Variants in AFG2A observed in about 807,000 individuals in gnomAD.
The protein encoded by AFG2A is AAA ATPase AFG2A, also known as ATPase family gene 2 protein homolog A.
At chr4:123,282,089 T>C in the AFG2A span, among the ~76,000 whole-genome samples, 13 of 152,272 alleles carry the variant, frequency 8.5e-5, no homozygotes, top group Admixed American at 4.6e-4. Context: ...ATGTGAGTTA[T>C]TGAGTATAGT....
the AFG2A span, among the ~76,000 whole-genome samples, chr4:123,129,921 C>T: frequency 1.3e-5 from 2 of 151,892 alleles, no homozygotes; most frequent in African/African-American, 2.4e-5. Context: ...AATTCTATTA[C>T]CATCCTTGAT....
chr4:122,945,961 T>C, the AFG2A span, among the ~76,000 whole-genome samples: 1 of 152,228 alleles, frequency 6.6e-6, no homozygotes, highest in Admixed American at 6.5e-5. Context: ...GTTCTCAGTC[T>C]TGGAACAGTA....
chr4:123,191,591 C>A, the AFG2A span, among the ~76,000 whole-genome samples: 3 of 152,002 alleles, frequency 2.0e-5, no homozygotes, highest in Admixed American at 1.3e-4. Context: ...TTTTTATCTT[C>A]GTATTTCTTT....
the AFG2A span, chr4:122,928,955 G>C: frequency 6.7e-7 from 1 of 1,491,396 alleles, no homozygotes; most frequent in Non-Finnish European, 9.0e-7. Flanking sequence ...TTAAGTGCTT[G>C]ACTGTGCTTA....
At chr4:123,315,899 C>T in the AFG2A span, 1 of 152,248 alleles carries the variant, frequency 6.6e-6, no homozygotes, top group African/African-American at 2.4e-5. Flanking sequence ...CTGACTCAGC[C>T]TCCTGAGTAG....
At chr4:123,203,293 G>A in the AFG2A span, among the ~76,000 whole-genome samples, 2 of 151,876 alleles carry the variant, frequency 1.3e-5, no homozygotes, top group Non-Finnish European at 2.9e-5. Flanking sequence ...TGGGATTACA[G>A]GTGCTCTCCA....
the AFG2A span, among the ~76,000 whole-genome samples, chr4:123,270,107 A>G: frequency 6.6e-6 from 1 of 152,158 alleles, no homozygotes. Context: ...GAGCCACCAC[A>G]CCCAGCCAGA....
the AFG2A span, among the ~76,000 whole-genome samples, chr4:123,232,066 G>A: frequency 6.6e-6 from 1 of 151,958 alleles, no homozygotes; most frequent in Non-Finnish European, 1.5e-5. Context: ...AGCACATGCT[G>A]TTGGAAAAAT....
chr4:123,219,618 T>C, the AFG2A span, among the ~76,000 whole-genome samples: 3 of 152,232 alleles, frequency 2.0e-5, no homozygotes, highest in African/African-American at 4.8e-5. Flanking sequence ...ATATGTGTGC[T>C]CTTAAGTATT....
At chr4:123,264,702 TGAA>T in the AFG2A span, among the ~76,000 whole-genome samples, 1 of 152,156 alleles carries the variant, frequency 6.6e-6, no homozygotes. Context: ...ACATGCTAAG[TGAA>T]GAAATTTGGT....
the AFG2A span, among the ~76,000 whole-genome samples, chr4:123,164,935 G>T: frequency 6.6e-6 from 1 of 152,092 alleles, no homozygotes; most frequent in African/African-American, 2.4e-5. Flanking sequence ...ATAAGAGTTT[G>T]TTGAAGTTTG....
the AFG2A span, among the ~76,000 whole-genome samples, chr4:123,024,239 AAAG>A: frequency 2.8e-3 from 418 of 151,230 alleles, 2 homozygotes; most frequent in African/African-American, 9.1e-3. Flanking sequence ...AAAAAAAAAA[AAAG>A]AAACAAAAGA....
chr4:122,956,745 T>C, the AFG2A span, among the ~76,000 whole-genome samples: 1 of 152,194 alleles, frequency 6.6e-6, no homozygotes, highest in Non-Finnish European at 1.5e-5. Flanking sequence ...TTAAAAAGAT[T>C]AGTGTTCTAA....
At chr4:123,258,858 CTTT>C in the AFG2A span, among the ~76,000 whole-genome samples, 247 of 90,304 alleles carry the variant, frequency 2.7e-3, no homozygotes, top group African/African-American at 0.01. Flanking sequence ...GATACTGGTA[CTTT>C]TTTTTTTTTT....
chr4:123,270,006 G>A, the AFG2A span, among the ~76,000 whole-genome samples: 1 of 152,252 alleles, frequency 6.6e-6, no homozygotes, highest in East Asian at 1.9e-4. Flanking sequence ...TAGTAGAGAT[G>A]TGGTTTCACC....
the AFG2A span, among the ~76,000 whole-genome samples, chr4:123,095,030 C>CAAAAAAAAAAAAA: frequency 5.7e-5 from 2 of 35,320 alleles, no homozygotes; most frequent in Non-Finnish European, 1.4e-4. Context: ...TCCCTCCCCA[C>CAAAAAAAAAAAAA]AAAAAAAAAA....
At chr4:123,031,575 AT>A in the AFG2A span, among the ~76,000 whole-genome samples, 21 of 152,236 alleles carry the variant, frequency 1.4e-4, no homozygotes, top group Non-Finnish European at 2.6e-4. Context: ...TTAGTTTGAA[AT>A]TTTGAAATAA....
At chr4:123,023,189 AATG>A in the AFG2A span, among the ~76,000 whole-genome samples, 2 of 151,682 alleles carry the variant, frequency 1.3e-5, no homozygotes, top group African/African-American at 4.9e-5. Context: ...GTATAATAAT[AATG>A]ATAATAATAA....
the AFG2A span, among the ~76,000 whole-genome samples, chr4:123,020,224 C>T: frequency 5.3e-5 from 8 of 151,922 alleles, no homozygotes; most frequent in East Asian, 3.9e-4. Flanking sequence ...GACACACACA[C>T]GAGTATGTCA....
Sources: gnomAD v4.1 joint callset for allele counts (sites outside exome capture counted in the v4.1 genomes callset) on GRCh38, gnomAD v4.1.1 for gene constraint, MANE v1.5 for transcripts, NCBI Gene and HGNC (gene_info 2026-07-23, HGNC 2026-07-21) for gene names.